Variants in CNTNAP2 observed in about 807,000 individuals in gnomAD.
The protein encoded by CNTNAP2 is contactin-associated protein-like 2.
CNTNAP2 carries 98 observed loss-of-function variants against 155.2 expected under a neutral mutation model. The observed-to-expected ratio is 0.63, with a 90% CI of 0.54 to 0.75. CNTNAP2 has a LOEUF of 0.75. CNTNAP2 is among the 30% of genes least tolerant of loss of function. The probability of loss-of-function intolerance (pLI) is 0.00; values close to 1 mark genes in which losing one functional copy is unlikely to be tolerated. For synonymous variants in CNTNAP2, 651 were observed against 631.2 expected (o/e 1.03, Z -0.47); for missense variants, 1,727 against 1,688.1 (o/e 1.02, Z -0.40).
intron 10 of CNTNAP2, among the ~76,000 whole-genome samples, chr7:147,444,986 G>A (rs1797708767): frequency 6.6e-6 from 1 of 152,144 alleles, no homozygotes; most frequent in Non-Finnish European, 1.5e-5. Context: ...GAGAAAGAGT[G>A]AAGGGGGATG....
chr7:147,662,195 A>G (rs76454739), intron 13 of CNTNAP2, among the ~76,000 whole-genome samples: 1 of 152,338 alleles, frequency 6.6e-6, no homozygotes, highest in African/African-American at 2.4e-5. Context: ...GCAACATTAC[A>G]CACTTTGCCC....
chr7:147,171,498 G>A (rs927358992), intron 8 of CNTNAP2, among the ~76,000 whole-genome samples: 2 of 152,170 alleles, frequency 1.3e-5, no homozygotes, highest in African/African-American at 2.4e-5. Context: ...AGACCAAAAA[G>A]TGAAGCTACC....
At chr7:146,550,217 C>T (rs376197706) in intron 1 of CNTNAP2, among the ~76,000 whole-genome samples, 16 of 151,814 alleles carry the variant, frequency 1.1e-4, no homozygotes, top group African/African-American at 3.9e-4. Context: ...GTTGTGCCCC[C>T]ATGTACCTAA....
intron 3 of CNTNAP2, among the ~76,000 whole-genome samples, chr7:146,928,053 C>T (rs1490578012): frequency 6.6e-6 from 1 of 151,540 alleles, no homozygotes; most frequent in South Asian, 2.1e-4. Flanking sequence ...CCTGTTTCTA[C>T]CTGCATTCTT....
intron 8 of CNTNAP2, among the ~76,000 whole-genome samples, chr7:147,270,089 AAACAC>A (rs1297602336): frequency 6.6e-6 from 1 of 152,102 alleles, no homozygotes; most frequent in Non-Finnish European, 1.5e-5. Context: ...AGAAGAATGA[AAACAC>A]AATACGCAAC....
intron 1 of CNTNAP2, among the ~76,000 whole-genome samples, chr7:146,159,628 T>C (rs1281152666): frequency 1.3e-5 from 2 of 151,968 alleles, no homozygotes; most frequent in African/African-American, 2.4e-5. Context: ...CCAAAAAAGA[T>C]TGAAAGAGAC....
At chr7:147,079,295 G>C (rs1031400240) in intron 4 of CNTNAP2, among the ~76,000 whole-genome samples, 6 of 152,054 alleles carry the variant, frequency 3.9e-5, no homozygotes, top group African/African-American at 1.4e-4. Flanking sequence ...GCTCAGCCAG[G>C]AACCCAGAGC....
At chr7:147,464,186 G>A (rs895008771) in intron 10 of CNTNAP2, among the ~76,000 whole-genome samples, 1 of 151,952 alleles carries the variant, frequency 6.6e-6, no homozygotes, top group Non-Finnish European at 1.5e-5. Flanking sequence ...AAAGTACTAG[G>A]GCAGGGTGTG....
chr7:146,147,381 T>G (rs1227320455), intron 1 of CNTNAP2, among the ~76,000 whole-genome samples: 3 of 152,146 alleles, frequency 2.0e-5, no homozygotes, highest in Non-Finnish European at 4.4e-5. Flanking sequence ...AAACAAGATT[T>G]AAAATACATG....
At chr7:147,812,584 C>T (rs909418214) in intron 13 of CNTNAP2, among the ~76,000 whole-genome samples, 3 of 148,812 alleles carry the variant, frequency 2.0e-5, no homozygotes, top group Non-Finnish European at 4.4e-5. Context: ...TTTCAGCTGC[C>T]CCCTCCCCAC....
At chr7:147,925,135 AAGAG>A (rs369044394) in intron 14 of CNTNAP2, among the ~76,000 whole-genome samples, 823 of 77,922 alleles carry the variant, frequency 0.011, 17 homozygotes, top group East Asian at 0.051. Context: ...AGAAAGAGAG[AAGAG>A]AGAGAGAGAG....
At chr7:146,491,050 G>A (rs1400999283) in intron 1 of CNTNAP2, among the ~76,000 whole-genome samples, 2 of 151,796 alleles carry the variant, frequency 1.3e-5, no homozygotes, top group Non-Finnish European at 2.9e-5. Flanking sequence ...TTTCTAGAGT[G>A]CATATTATAT....
intron 13 of CNTNAP2, among the ~76,000 whole-genome samples, chr7:147,654,804 A>ATTTTTTTTTT (rs1795500468): frequency 9.6e-6 from 1 of 104,026 alleles, no homozygotes. Flanking sequence ...AGCAAAATAT[A>ATTTTTTTTTT]TTTCTTTTTT....
At chr7:148,395,927 C>T (rs1311191946) in intron 22 of CNTNAP2, among the ~76,000 whole-genome samples, 1 of 152,180 alleles carries the variant, frequency 6.6e-6, no homozygotes, top group African/African-American at 2.4e-5. Flanking sequence ...CTCTACCTTT[C>T]TTTCCCTTCA....
chr7:147,257,818 C>T lies in CNTNAP2; in HGVS notation c.1349-42323C>T, dbSNP rs545080508. The stretch of plus-strand genomic sequence containing the variant: ...TCCAGGCTTCATGAAAAATATGGAA[C>T]TTGGGAAAATGTAATAGGTTGAGTG... On this transcript the variant is annotated intron_variant, in intron 8 of 23. Transcript: ENST00000361727. Among the ~76,000 whole-genome samples, 9 of 152,216 alleles carry T rather than the reference C, an allele frequency of 5.9e-5. No individual in the cohort carries two copies. The East Asian group carries it at 1.7e-3, about 29-fold the overall frequency.
chr7:146,269,115 G>A (rs142393303), intron 1 of CNTNAP2, among the ~76,000 whole-genome samples: 3 of 152,284 alleles, frequency 2.0e-5, no homozygotes, highest in African/African-American at 4.8e-5. Flanking sequence ...GCTGAGGTGG[G>A]CAGGTCACGA....
At chr7:146,842,833 C>A (rs941167485) in intron 3 of CNTNAP2, among the ~76,000 whole-genome samples, 1 of 151,170 alleles carries the variant, frequency 6.6e-6, no homozygotes, top group Non-Finnish European at 1.5e-5. Flanking sequence ...CCACAGGCGC[C>A]CGCCACCACG....
At chr7:147,166,308 A>G (rs1352237024) in intron 8 of CNTNAP2, among the ~76,000 whole-genome samples, 1 of 152,006 alleles carries the variant, frequency 6.6e-6, no homozygotes, top group East Asian at 1.9e-4. Context: ...ACCAAACATC[A>G]TATGTTCTCA....
chr7:147,802,375 G>T (rs1338165309), intron 13 of CNTNAP2, among the ~76,000 whole-genome samples: 1 of 152,000 alleles, frequency 6.6e-6, no homozygotes, highest in Non-Finnish European at 1.5e-5. Context: ...AGACGGGGTG[G>T]CGGCCGGGCA....
Sources: allele counts gnomAD v4.1 joint callset (sites outside exome capture counted in the v4.1 genomes callset), GRCh38; gene constraint gnomAD v4.1.1; transcripts MANE v1.5; gene names NCBI Gene and HGNC (gene_info 2026-07-23, HGNC 2026-07-21).